PRAMEF14: variants seen among roughly 807,000 people sequenced by gnomAD.
The protein encoded by PRAMEF14 is PRAME family member 14.
In PRAMEF14, 24 loss-of-function variants were observed where a neutral mutation model predicts 38.3. That is an observed-to-expected ratio of 0.63 (90% CI 0.45 to 0.88). PRAMEF14 has a LOEUF of 0.88. PRAMEF14 is among the 40% of genes least tolerant of loss of function. The pLI, the probability that PRAMEF14 is intolerant of heterozygous loss-of-function variation, is 0.00. For synonymous variants in PRAMEF14, 194 were observed against 226.4 expected, an observed-to-expected ratio of 0.86 and a Z score of 1.29; for missense variants, 477 against 570.8, an observed-to-expected ratio of 0.84 and a Z score of 1.67.
At position 13,342,619 on chromosome 1, in the gene PRAMEF14, C is replaced by T. The variant is rs751235426; in HGVS notation, c.1334G>A (p.Arg445Lys). The T allele has an allele frequency of 6.2e-7, 1 of 1,605,026 alleles. No homozygotes were observed. The highest frequency in any genetic ancestry group is 2.4e-5 in the East Asian group (1 of 41,790). The change falls in exon 4 of 4, where the codon AGG becomes AAG. Residue 445 changes from arginine to lysine, a missense_variant. Coordinates refer to ENST00000334600, the MANE Select transcript of PRAMEF14 (RefSeq NM_001024661.2). ...ACCAATGAAGATCCTCTTGGGCTGC[C>T]TGACTTCCCTCAGTGTACACATCAG... ...AELMCTLREVRQPKRIFIGPT... is the reference protein window; with the variant it reads ...AELMCTLREVKQPKRIFIGPT...
rs1424747990 is a variant in PRAMEF14 at position 13,345,572 on chromosome 1, C to A, written c.-25-233G>T. Reference sequence around the variant, plus strand: ...TTGAGGAAAAATTTCTTGTCACTTACCACCCTAAAGCAATGAGAATGAGAG... The same window carrying A: ...TTGAGGAAAAATTTCTTGTCACTTAACACCCTAAAGCAATGAGAATGAGAG... On this transcript the variant is annotated intron_variant, in intron 1 of 3. Coordinates refer to ENST00000334600, the MANE Select transcript of PRAMEF14 (RefSeq NM_001024661.2). Among the ~76,000 whole-genome samples the A allele has an allele frequency of 9.9e-5, 15 of 150,888 alleles. No homozygotes were observed. The South Asian group carries it at 1.3e-3, about 13-fold the overall frequency.
In PRAMEF14 at chr1:13,342,900, G is replaced by C. The variant is rs757548217; in HGVS notation, c.1053C>G (p.Leu351=). Residue 351 remains leucine (L), a synonymous_variant, in exon 4 of 4, where the codon CTC becomes CTG. Coordinates refer to ENST00000334600, the MANE Select transcript of PRAMEF14 (RefSeq NM_001024661.2). ...GACAGCCCTCCAAGATGAGGGTTTC[G>C]AGAGAGGCAGCAATTTTCTCTAGCA... The part of the protein sequence containing the change: ...GALLEKIAAS[L]ETLILEGCQI... 11 of 1,607,786 alleles carry C rather than the reference G, an allele frequency of 6.8e-6. No homozygotes were observed. The African/African-American group carries it at 1.3e-4, about 20-fold the overall frequency.
In PRAMEF14 at chr1:13,344,361, G is replaced by A. The variant is rs1260121782; in HGVS notation, c.543C>T (p.Cys181=). 1 of 1,607,052 alleles carries A rather than the reference G, an allele frequency of 6.2e-7. No homozygotes were observed. The highest frequency in any genetic ancestry group is 1.1e-5 in the South Asian group (1 of 90,626). The change falls in exon 3 of 4, where the codon TGC becomes TGT. Residue 181 remains cysteine (C), a synonymous_variant. Coordinates refer to ENST00000334600, the MANE Select transcript of PRAMEF14 (RefSeq NM_001024661.2). ...TTAGATAATTGACCAGCTTACTACA[G>A]CACAGGTGTACTAAACCTCTCCTTT... ...VYQRRGLVHL[C]CSKLVNYLTP... is the part of the protein sequence containing the mutation.
Position 13,344,023 on chromosome 1 carries a change from A to G in PRAMEF14, c.866+15T>C. 1.2e-6 allele frequency: 2 copies of G among 1,607,814 alleles called. No individual in the cohort carries two copies. Among genetic ancestry groups the G allele is most frequent in the Non-Finnish European group, 1.7e-6 (2 of 1,178,300 alleles). ...ATGCTGTGGTCTGCATATAAAGTGCATGATCCTTCCTCACCTGATCAGCTG... is the reference window on the plus strand; with the variant it reads ...ATGCTGTGGTCTGCATATAAAGTGCGTGATCCTTCCTCACCTGATCAGCTG... On this transcript the variant is annotated intron_variant, in intron 3 of 3. Coordinates refer to ENST00000334600, the MANE Select transcript of PRAMEF14 (RefSeq NM_001024661.2).
chr1:13,344,996 C>A (rs1328748980), intron 2 of PRAMEF14, 32 bp downstream of exon 2: 2 of 1,376,246 alleles, frequency 1.5e-6, no homozygotes, highest in Admixed American at 1.9e-5. Context: ...GACACCTGAG[C>A]CCTATCTACC....
Position 13,343,001 on chromosome 1 carries a change from T to G in PRAMEF14, c.952A>C (p.Ser318Arg), listed in dbSNP as rs1418826206. 7.4e-6 allele frequency: 12 copies of G among 1,611,406 alleles called. No individual in the cohort carries two copies. The highest frequency in any genetic ancestry group is 1.0e-5 in the Non-Finnish European group (12 of 1,179,252). The change falls in exon 4 of 4, where the codon AGC becomes CGC. Residue 318 changes from serine to arginine, a missense_variant. Ser to Arg is a moderately radical substitution (Grantham distance 110). Transcript: ENST00000334600. ...TTCAGATGCTTTAGGTAACCGAGGC[T>G]TGGGTACTGGGAGAGACACTTCATG... ...EDMKCLSQYP[S>R]LGYLKHLNLS...
At position 13,342,071 on chromosome 1, in the gene PRAMEF14, G is replaced by A. The variant is rs916166783; in HGVS notation, c.*457C>T. The stretch of plus-strand genomic sequence containing the variant: ...TGCTCTTTATTTCTGATATTCCTTG[G>A]TAACCATCCTTGCAGGGATAACATT... On this transcript the variant is annotated 3_prime_UTR_variant, in exon 4 of 4. Transcript: ENST00000334600. The A allele has an allele frequency of 1.2e-3, 191 of 164,116 alleles. 1 individual carries two copies. Among genetic ancestry groups the A allele is most frequent in the Non-Finnish European group, 1.8e-3 (132 of 74,418 alleles). 10.2% of individuals were successfully genotyped at this position (164,116 alleles called of 1,614,324 possible). A position where few individuals can be genotyped will look rare whatever the true frequency, so the allele number is the denominator to read the frequency against.
At position 13,342,626 on chromosome 1, in the gene PRAMEF14, C is replaced by T; in HGVS notation, c.1327G>A (p.Glu443Lys). 1 of 1,605,032 alleles carries T rather than the reference C, an allele frequency of 6.2e-7. No individual in the cohort carries two copies. The highest frequency in any genetic ancestry group is 8.5e-7 in the Non-Finnish European group (1 of 1,178,026). ...AAGATCCTCTTGGGCTGCCTGACTT[C>T]CCTCAGTGTACACATCAGCTCAGCC... Reference protein sequence around the residue: ...LRAELMCTLREVRQPKRIFIG... With the variant: ...LRAELMCTLRKVRQPKRIFIG... The change falls in exon 4 of 4, where the codon GAA becomes AAA. Residue 443 changes from glutamate to lysine, a missense_variant. Around this residue, in one of 4 missense-constraint regions of PRAMEF14, gnomAD observed 151 missense variants for 137.4 expected, o/e 1.10. Coordinates refer to ENST00000334600, the MANE Select transcript of PRAMEF14 (RefSeq NM_001024661.2).
intron 1 of PRAMEF14, among the ~76,000 whole-genome samples, 162 bp from the exon 2 acceptor site, chr1:13,345,501 C>A (rs1640390155): frequency 6.6e-6 from 1 of 150,814 alleles, no homozygotes; most frequent in Admixed American, 6.6e-5. Flanking sequence ...ATCCCAGAAC[C>A]ACCGGACACT....
Position 13,344,427 on chromosome 1 carries a change from G to C in PRAMEF14, c.477C>G (p.Pro159=), listed in dbSNP as rs1640374489. 5.0e-6 allele frequency: 8 copies of C among 1,605,098 alleles called. No homozygotes were observed. Among genetic ancestry groups the C allele is most frequent in the Admixed American group, 1.7e-5 (1 of 59,820 alleles). ...AGAGGTATCTCAGGCATTCATCCTG[G>C]GGTATTTCCTTGAGGCAGATGTCTA... ...VFIDICLKEI[P]QDECLRYLFQ... Residue 159 remains proline (P), a synonymous_variant, in exon 3 of 4, where the codon CCC becomes CCG. Coordinates refer to ENST00000334600, the MANE Select transcript of PRAMEF14 (RefSeq NM_001024661.2).
In PRAMEF14 at chr1:13,343,634, G is replaced by A. The variant is rs1406533383; in HGVS notation, c.866+404C>T. 5 of 1,323,434 alleles carry A rather than the reference G, an allele frequency of 3.8e-6. No homozygotes were observed. In the Admixed American group the frequency reaches 6.8e-5, roughly 18 times the overall value. The allele number at this position is 1,323,434 out of a possible 1,614,324, so 82.0% of individuals were successfully genotyped here. On this transcript the variant is annotated intron_variant, in intron 3 of 3. Transcript: ENST00000334600. The stretch of plus-strand genomic sequence containing the variant: ...AGGATCATTCGTGATCACTAAGCCG[G>A]TGAGGACAGACGTTCTATTGTGAAA...
chr1:13,344,605 A>G lies in PRAMEF14; in HGVS notation c.299T>C (p.Leu100Pro). Residue 100 changes from leucine to proline, a missense_variant, in exon 3 of 4, where the codon CTT becomes CCT. Physicochemically the swap from Leu to Pro is moderately conservative, Grantham distance 98. Coordinates refer to ENST00000334600, the MANE Select transcript of PRAMEF14 (RefSeq NM_001024661.2). ...AACATCCCGCAAATCCAGCACTTGA[A>G]GTTTCCACCTCCTGTGGGTAAAGTA... Reference protein sequence around the residue: ...TQKDRPRRWKLQVLDLRDVDE... With the variant: ...TQKDRPRRWKPQVLDLRDVDE... 6.2e-7 allele frequency: 1 copy of G among 1,604,232 alleles called. No homozygotes were observed. The highest frequency in any genetic ancestry group is 1.1e-5 in the South Asian group (1 of 90,446).
At position 13,344,214 on chromosome 1, in the gene PRAMEF14, C is replaced by T. The variant is rs1201600327; in HGVS notation, c.690G>A (p.Glu230=). The T allele has an allele frequency of 2.2e-5, 35 of 1,608,640 alleles. No individual in the cohort carries two copies. Among genetic ancestry groups the T allele is most frequent in the Non-Finnish European group, 2.9e-5 (34 of 1,178,666 alleles). Residue 230 remains glutamate, a synonymous_variant, in exon 3 of 4, where the codon GAG becomes GAA. Coordinates refer to ENST00000334600, the MANE Select transcript of PRAMEF14 (RefSeq NM_001024661.2). ...LIRKLRCYLK[E]MKNLRKLVFS... ...AAACGAGTTTGCGAAGATTCTTCAT[C>T]TCCTTCAGGTAACAACGAAGCTTTC...
Position 13,344,277 on chromosome 1 carries a change from C to G in PRAMEF14, c.627G>C (p.Gln209His). Residue 209 changes from glutamine (Q) to histidine (H), a missense_variant, in exon 3 of 4, where the codon CAG becomes CAC. Gln to His is a conservative substitution (Grantham distance 24). Transcript: ENST00000334600. Reference sequence around the variant, plus strand: ...GCCAGGACATGTTGCGAATTTCCAGCTGTTGAATACTATTCAGGTATATTA... The same window carrying G: ...GCCAGGACATGTTGCGAATTTCCAGGTGTTGAATACTATTCAGGTATATTA... ...LKIIYLNSIQ[Q>H]LEIRNMSWPR... 6.2e-7 allele frequency: 1 copy of G among 1,606,012 alleles called. No individual in the cohort carries two copies. The highest frequency in any genetic ancestry group is 8.5e-7 in the Non-Finnish European group (1 of 1,176,984).
chr1:13,346,765 A>G lies in PRAMEF14; in HGVS notation c.-26+292T>C, dbSNP rs1228333914. On this transcript the variant is annotated intron_variant, in intron 1 of 3. Coordinates refer to ENST00000334600, the MANE Select transcript of PRAMEF14 (RefSeq NM_001024661.2). ...CTATGAACTGTAATTGAAGGGCACA[A>G]AAACAGATAACTTCAAATGTCAAGA... is the stretch of plus-strand genomic sequence containing the variant. 1.1e-4 allele frequency among the ~76,000 whole-genome samples: 16 copies of G among 149,356 alleles called. 1 individual carries two copies. Among genetic ancestry groups the G allele is most frequent in the Admixed American group, 5.3e-4 (8 of 14,964 alleles).
chr1:13,347,005 A>ACTGG (rs1330895109), intron 1 of PRAMEF14, 52 bp downstream of exon 1: 1 of 149,970 alleles, frequency 6.7e-6, no homozygotes, highest in Non-Finnish European at 1.5e-5. Flanking sequence ...ACCGTCCCTG[A>ACTGG]CTGGCTGGCT....
chr1:13,345,237 A>T lies in PRAMEF14; in HGVS notation c.78T>A (p.Ser26=), dbSNP rs1640386358. 1.2e-6 allele frequency: 2 copies of T among 1,603,224 alleles called. No homozygotes were observed. The highest frequency in any genetic ancestry group is 1.7e-6 in the Non-Finnish European group (2 of 1,175,284). ...GCACCCTGGGCAGCTCCTCCATGGC[A>T]GAGATGGACAAGGCCTGGTCTCTCA... The part of the protein sequence containing the change: ...SLLRDQALSI[S]AMEELPRVLY... The change falls in exon 2 of 4, where the codon TCT becomes TCA. Residue 26 remains serine, a synonymous_variant. Transcript: ENST00000334600.
chr1:13,342,425 A>C lies in PRAMEF14; in HGVS notation c.*103T>G. On this transcript the variant is annotated 3_prime_UTR_variant, in exon 4 of 4. Transcript: ENST00000334600. Reference sequence around the variant, plus strand: ...TTTGGAATTATTAAAAAATGAAATAAATAAGAAAAGAGAAAAATAGTTTGC... The same window carrying C: ...TTTGGAATTATTAAAAAATGAAATACATAAGAAAAGAGAAAAATAGTTTGC... The C allele has an allele frequency of 6.8e-7, 1 of 1,474,432 alleles. No individual in the cohort carries two copies. Among genetic ancestry groups the C allele is most frequent in the Non-Finnish European group, 9.0e-7 (1 of 1,112,502 alleles). 91.3% of individuals were successfully genotyped at this position (1,474,432 alleles called of 1,614,324 possible).
In PRAMEF14 at chr1:13,346,133, G is replaced by C. The variant is rs1374609611; in HGVS notation, c.-25-794C>G. 9.0e-3 allele frequency among the ~76,000 whole-genome samples: 1,355 copies of C among 150,166 alleles called. 20 individuals are homozygous for C. Among genetic ancestry groups the C allele is most frequent in the African/African-American group, 0.032 (1,299 of 41,182 alleles). On this transcript the variant is annotated intron_variant, in intron 1 of 3. Transcript: ENST00000334600. ...CTGGGTGACACACTCAGAGTACATC[G>C]CAGAAAAAAAACAAAATAATTCACT...
Sources: gnomAD v4.1 joint callset for allele counts (sites outside exome capture counted in the v4.1 genomes callset) on GRCh38, gnomAD v4.1.1 for gene constraint, gnomAD v4.1.1 regional missense constraint, MANE v1.5 for transcripts, NCBI Gene and HGNC (gene_info 2026-07-23, HGNC 2026-07-21) for gene names.